The following NOTCH3 variants were observed in gnomAD, a reference collection of about 807,000 sequenced individuals.
The protein encoded by NOTCH3 is notch receptor 3, also known as neurogenic locus notch homolog protein 3.
In NOTCH3, 86 loss-of-function variants were observed where a neutral mutation model predicts 213.3. The ratio of observed to expected loss-of-function variants is 0.40; its 90% CI spans 0.34 to 0.48. NOTCH3 has a LOEUF of 0.48. NOTCH3 is among the 20% of genes least tolerant of loss of function. The probability of loss-of-function intolerance (pLI) is 0.57; values close to 1 mark genes in which losing one functional copy is unlikely to be tolerated. For missense variants in NOTCH3, 2,783 were observed against 3,272.6 expected (o/e 0.85, Z 3.65); for synonymous variants, 1,354 against 1,355.9 (o/e 1.00, Z 0.03).
chr19:15,166,352 G>A (rs1403853575), intron 29 of NOTCH3, among the ~76,000 whole-genome samples: 1 of 152,002 alleles, frequency 6.6e-6, no homozygotes. Context: ...TTCCCAAAGG[G>A]TTATTCCACC....
At position 15,184,281 on chromosome 19, in the gene NOTCH3, TC is replaced by T; in HGVS notation, c.2566+13del. The T allele has an allele frequency of 6.2e-7, 1 of 1,612,880 alleles. No individual in the cohort carries two copies. The highest frequency in any genetic ancestry group is 8.5e-7 in the Non-Finnish European group (1 of 1,179,264). ...TCCCCAGAGCAGCACCCCCAAGAGC[TC>T]CCCTGCACTCACTGGGGTCACAGTC... On this transcript the variant is annotated intron_variant, in intron 16 of 32. Transcript: ENST00000263388.
chr19:15,169,997 G>A, intron 28 of NOTCH3, 89 bp downstream of exon 28: 2 of 737,594 alleles, frequency 2.7e-6, no homozygotes, highest in South Asian at 1.5e-5. Flanking sequence ...GCCATCCCCT[G>A]ATCACGCCCA....
chr19:15,179,096 G>A lies in NOTCH3; in HGVS notation c.3647C>T (p.Ala1216Val), dbSNP rs1265324934. 8.7e-6 allele frequency: 14 copies of A among 1,614,054 alleles called. No individual in the cohort carries two copies. Among genetic ancestry groups the A allele is most frequent in the East Asian group, 4.5e-5 (2 of 44,904 alleles). Residue 1216 changes from alanine to valine, a missense_variant, in exon 22 of 33, where the codon GCG (alanine) becomes GTG (valine). Ala to Val is a moderately conservative substitution (Grantham distance 64). Around this residue, in one of 6 missense-constraint regions of NOTCH3, gnomAD observed 861 missense variants for 909.1 expected, o/e 0.95. Transcript: ENST00000263388. ...CTGCAGGCAGTCCCGGGTGTGTGCCGCGTGGCAGGCACCTGAGCGACACTC... is the reference window on the plus strand; with the variant it reads ...CTGCAGGCAGTCCCGGGTGTGTGCCACGTGGCAGGCACCTGAGCGACACTC... ...INECRSGACH[A>V]AHTRDCLQDP...
intron 29 of NOTCH3, among the ~76,000 whole-genome samples, chr19:15,166,517 A>G (rs1470424206): frequency 6.6e-6 from 1 of 150,754 alleles, no homozygotes; most frequent in Admixed American, 6.6e-5. Context: ...GGGGGGGGGA[A>G]AAAAAGAGCT....
chr19:15,161,256 C>A lies in NOTCH3; in HGVS notation c.6372G>T (p.Glu2124Asp). ...PPASPGGFPL[E>D]GPYAAATATA... ...TGGCAGTGGCAGCTGCATAGGGCCC[C>A]TCAAGGGGGAAGCCACCAGGGGAAG... The change falls in exon 33 of 33, where the codon GAG becomes GAT. Residue 2124 changes from glutamate (E) to aspartate (D), a missense_variant. By Grantham distance (45) the Glu-to-Asp change is conservative. Coordinates refer to ENST00000263388, the MANE Select transcript of NOTCH3 (RefSeq NM_000435.3). 6.5e-7 allele frequency: 1 copy of A among 1,545,130 alleles called. No individual in the cohort carries two copies. The highest frequency in any genetic ancestry group is 2.3e-5 in the East Asian group (1 of 42,908).
In NOTCH3 at chr19:15,161,558, G is replaced by T. The variant is rs1157709537; in HGVS notation, c.6070C>A (p.Leu2024Met). Residue 2024 changes from leucine to methionine, a missense_variant, in exon 33 of 33, where the codon CTG (leucine) becomes ATG (methionine). By Grantham distance (15) the Leu-to-Met change is conservative (BLOSUM62 2). Coordinates refer to ENST00000263388, the MANE Select transcript of NOTCH3 (RefSeq NM_000435.3). ...CTGCGGGGCCCACTGGGTTGATCCAGCAAGCGCACGATGTCCTGGTGCAGT... is the reference window on the plus strand; with the variant it reads ...CTGCGGGGCCCACTGGGTTGATCCATCAAGCGCACGATGTCCTGGTGCAGT... ...ERLHQDIVRL[L>M]DQPSGPRSPP... 1 of 1,608,438 alleles carries T rather than the reference G, an allele frequency of 6.2e-7. No individual in the cohort carries two copies. Among genetic ancestry groups the T allele is most frequent in the East Asian group, 2.2e-5 (1 of 44,692 alleles).
At position 15,174,156 on chromosome 19, in the gene NOTCH3, G is replaced by C. The variant is rs2046766753; in HGVS notation, c.4648C>G (p.His1550Asp). The change falls in exon 25 of 33, where the codon CAC becomes GAC. Residue 1550 changes from histidine to aspartate, a missense_variant. By Grantham distance (81) the His-to-Asp change is moderately conservative. This residue lies in a region of NOTCH3 where 636 missense variants were observed against 801.8 expected (regional missense o/e 0.79). Transcript: ENST00000263388. The stretch of plus-strand genomic sequence containing the variant: ...TAAGGGAAGACCATGGCCTGGCCGT[G>C]CGCGTCCAGGCGGAAGCGCAGCGAG... The part of the protein sequence containing the change: ...RTSLRFRLDA[H>D]GQAMVFPYHR... 5.0e-6 allele frequency: 8 copies of C among 1,609,546 alleles called. No homozygotes were observed. Among genetic ancestry groups the C allele is most frequent in the Non-Finnish European group, 6.8e-6 (8 of 1,179,230 alleles).
rs2145391336 is a variant in NOTCH3, at chr19:15,165,537, G to A, written c.5668-22C>T. 1 of 1,609,140 alleles carries A rather than the reference G, an allele frequency of 6.2e-7. No individual in the cohort carries two copies. The highest frequency in any genetic ancestry group is 8.5e-7 in the Non-Finnish European group (1 of 1,179,902). On this transcript the variant is annotated intron_variant, in intron 30 of 32. Transcript: ENST00000263388. The surrounding 1 kb of genome is among the most constrained non-coding windows in gnomAD (Gnocchi z 4.7). The stretch of plus-strand genomic sequence containing the variant: ...GAATCTAGGACAGAGAGTGGATGCA[G>A]CAGGAGGGGTCATGGCAGGAACAGA...
At chr19:15,175,556 CATAT>C (rs71168593) in intron 24 of NOTCH3, among the ~76,000 whole-genome samples, 2,470 of 90,102 alleles carry the variant, frequency 0.027, 239 homozygotes, top group African/African-American at 0.1. Flanking sequence ...AAAAAAAATA[CATAT>C]ATATATATAT....
chr19:15,198,868 G>T (rs775086555), intron 1 of NOTCH3, among the ~76,000 whole-genome samples: 1 of 151,834 alleles, frequency 6.6e-6, no homozygotes, highest in South Asian at 2.1e-4. Flanking sequence ...CCGAGATTGC[G>T]CCACTGCATG....
intron 24 of NOTCH3, among the ~76,000 whole-genome samples, chr19:15,176,870 T>A (rs1287341107): frequency 6.8e-6 from 1 of 146,758 alleles, no homozygotes; most frequent in Non-Finnish European, 1.5e-5. Context: ...CAGGAGTTCG[T>A]GAGCAGCCTG....
intron 20 of NOTCH3, among the ~76,000 whole-genome samples, 170 bp downstream of exon 20, chr19:15,179,902 A>G (rs1286104594): frequency 6.6e-6 from 1 of 150,388 alleles, no homozygotes; most frequent in Non-Finnish European, 1.5e-5. Flanking sequence ...CAAATAAAAA[A>G]ACACCCCAGA....
chr19:15,186,779 G>A (rs2145432066), intron 12 of NOTCH3, 99 bp downstream of exon 12: 4 of 949,916 alleles, frequency 4.2e-6, no homozygotes, highest in African/African-American at 1.6e-5. Flanking sequence ...CAACCTCGTT[G>A]GACAAGAGTC....
Position 15,160,458 on chromosome 19 carries a change from G to A in NOTCH3, c.*204C>T. The A allele has an allele frequency of 3.3e-6, 2 of 608,218 alleles. No homozygotes were observed. Among genetic ancestry groups the A allele is most frequent in the Non-Finnish European group, 2.9e-6 (1 of 340,048 alleles). 37.7% of individuals were successfully genotyped at this position (608,218 alleles called of 1,614,324 possible). A position where few individuals can be genotyped will look rare whatever the true frequency, so the allele number is the denominator to read the frequency against. ...CTTCACAAGACTGAGAGGGTGGGTG[G>A]TAGCCCCCACCCATTATAAATAAAG... On this transcript the variant is annotated 3_prime_UTR_variant, in exon 33 of 33. Transcript: ENST00000263388.
At position 15,175,590 on chromosome 19, in the gene NOTCH3, TACAC is replaced by T. The variant is rs1555727085; in HGVS notation, c.4404-1194_4404-1191del. ...ATATATATATGTATATATATGTATA[TACAC>T]ACACACACACACACACACACGCACG... is the stretch of plus-strand genomic sequence containing the variant. On this transcript the variant is annotated intron_variant, in intron 24 of 32. Transcript: ENST00000263388. 1.7e-3 allele frequency among the ~76,000 whole-genome samples: 178 copies of T among 107,164 alleles called. 1 individual carries two copies. The highest frequency in any genetic ancestry group is 5.8e-3 in the African/African-American group (162 of 27,930). The allele number at this position is 107,164 out of a possible 152,430, so 70.3% of individuals were successfully genotyped here.
At position 15,193,475 on chromosome 19, in the gene NOTCH3, G is replaced by C. The variant is rs1304986467; in HGVS notation, c.198-956C>G. On this transcript the variant is annotated intron_variant, in intron 2 of 32. Transcript: ENST00000263388. ...TATCCACCTGGGCCCTAAATTCAGT[G>C]ACAAGTGTTCATACAAGAGAACGGC... is the stretch of plus-strand genomic sequence containing the variant. Among the ~76,000 whole-genome samples, 7 of 152,166 alleles carry C rather than the reference G, an allele frequency of 4.6e-5. No homozygotes were observed. The East Asian group carries it at 9.7e-4, about 21-fold the overall frequency.
rs1245986284 is a variant in NOTCH3 at position 15,161,478 on chromosome 19, G to C, written c.6150C>G (p.Leu2050=). The C allele has an allele frequency of 6.3e-7, 1 of 1,579,278 alleles. No homozygotes were observed. Residue 2050 remains leucine (L), a synonymous_variant, in exon 33 of 33, where the codon CTC becomes CTG. Coordinates refer to ENST00000263388, the MANE Select transcript of NOTCH3 (RefSeq NM_000435.3). ...CCGACTGTGCCGCTTTGAGGCCAGG[G>C]AGGAAGGCCCCTGGAGGACAGAGCA... is the stretch of plus-strand genomic sequence containing the variant. ...GPLLCPPGAF[L]PGLKAAQSGS... is the part of the protein sequence containing the mutation.
chr19:15,179,983 T>A, intron 20 of NOTCH3, 89 bp downstream of exon 20: 1 of 875,166 alleles, frequency 1.1e-6, no homozygotes, highest in East Asian at 2.5e-5. Context: ...TCTAGAGACA[T>A]ACCCATACCA....
chr19:15,170,896 C>T (rs1159965156), intron 25 of NOTCH3, 71 bp from the exon 26 acceptor site: 1 of 1,546,492 alleles, frequency 6.5e-7, no homozygotes, highest in Non-Finnish European at 8.8e-7. Flanking sequence ...CCAAGCCCCA[C>T]TTTCCCTCCC....
Sources: allele counts gnomAD v4.1 joint callset (sites outside exome capture counted in the v4.1 genomes callset), GRCh38; gene constraint gnomAD v4.1.1; regional missense constraint gnomAD v4.1.1; non-coding constraint Gnocchi (gnomAD v3.1); transcripts MANE v1.5; gene names NCBI Gene and HGNC (gene_info 2026-07-23, HGNC 2026-07-21).